PCDH15: variants seen among roughly 807,000 people sequenced by gnomAD.
PCDH15 encodes protocadherin-15.
In PCDH15, 129 loss-of-function variants were observed where a neutral mutation model predicts 178.5. The ratio of observed to expected loss-of-function variants is 0.72; its 90% CI spans 0.63 to 0.84. The LOEUF is 0.84. Among genes scored for constraint, PCDH15 ranks in the 40% least tolerant of loss-of-function variants. The pLI, the probability that PCDH15 is intolerant of heterozygous loss-of-function variation, is 0.00. For missense variants in PCDH15, 2,230 were observed against 2,099.9 expected (o/e 1.06, Z -1.21); for synonymous variants, 800 against 732.0 (o/e 1.09, Z -1.50).
intron 13 of PCDH15, among the ~76,000 whole-genome samples, chr10:54,173,858 T>C (rs185838797): frequency 1.1e-4 from 16 of 152,280 alleles, no homozygotes; most frequent in Non-Finnish European, 2.4e-4. Flanking sequence ...TGCTCCAAGA[T>C]AATAAAGGGG....
At chr10:54,464,800 C>A (rs190653621) in intron 3 of PCDH15, among the ~76,000 whole-genome samples, 3 of 152,128 alleles carry the variant, frequency 2.0e-5, no homozygotes, top group Non-Finnish European at 4.4e-5. Context: ...ACAAGAGCAA[C>A]CTAATTCTAT....
intron 3 of PCDH15, among the ~76,000 whole-genome samples, chr10:54,862,664 G>A (rs2131782361): frequency 6.6e-6 from 1 of 152,308 alleles, no homozygotes; most frequent in African/African-American, 2.4e-5. Context: ...TTTCAGGAAT[G>A]AATTAGTTCC....
chr10:55,203,356 G>A (rs1250763556), intron 1 of PCDH15, among the ~76,000 whole-genome samples: 2 of 151,938 alleles, frequency 1.3e-5, no homozygotes, highest in African/African-American at 4.8e-5. Flanking sequence ...TATCTCAGAA[G>A]TGTATTAATC....
At chr10:54,622,885 C>T (rs1294807938) in intron 2 of PCDH15, among the ~76,000 whole-genome samples, 1 of 146,336 alleles carries the variant, frequency 6.8e-6, no homozygotes, top group Non-Finnish European at 1.5e-5. Flanking sequence ...TCACAACCTC[C>T]TCTTTCTTTA....
In PCDH15 at chr10:54,885,875, C is replaced by T. The variant is rs141350968; in HGVS notation, c.-29+11575G>A. 6.5e-3 allele frequency among the ~76,000 whole-genome samples: 985 copies of T among 152,142 alleles called. 16 individuals carry two copies. Among genetic ancestry groups the T allele is most frequent in the African/African-American group, 0.022 (902 of 41,524 alleles). On this transcript the variant is annotated intron_variant, in intron 3 of 5. Transcript: ENST00000458638. ...ATAAAATGTGAATACACTTTTTTCT[C>T]TTCCTGGCTTGCAAGGATGCACCCA...
chr10:54,007,906 C>T (rs1371077778), intron 20 of PCDH15, among the ~76,000 whole-genome samples: 2 of 152,094 alleles, frequency 1.3e-5, no homozygotes, highest in African/African-American at 4.8e-5. Context: ...CTTTTCAGTA[C>T]TGCGAGTAAT....
intron 1 of PCDH15, among the ~76,000 whole-genome samples, chr10:55,249,167 G>A (rs1841765617): frequency 6.6e-6 from 1 of 152,060 alleles, no homozygotes; most frequent in Admixed American, 6.6e-5. Flanking sequence ...TATAATCCGA[G>A]GGAAAAGCAA....
chr10:54,547,320 T>C (rs1160195000), intron 2 of PCDH15, among the ~76,000 whole-genome samples: 1 of 152,178 alleles, frequency 6.6e-6, no homozygotes, highest in Non-Finnish European at 1.5e-5. Flanking sequence ...TTTACTATTA[T>C]TTTGTTTTAC....
intron 8 of PCDH15, among the ~76,000 whole-genome samples, chr10:54,242,122 TTCTATTTTTATATA>T (rs1258461689): frequency 1.2e-4 from 11 of 93,394 alleles, no homozygotes; most frequent in African/African-American, 4.9e-4. Flanking sequence ...TTGGTCTGAA[TTCTATTTTTATATA>T]TATATATATA....
chr10:55,155,842 C>T (rs904398382), intron 2 of PCDH15, among the ~76,000 whole-genome samples: 1 of 151,968 alleles, frequency 6.6e-6, no homozygotes, highest in Admixed American at 6.6e-5. Context: ...TTTGTAAAAC[C>T]AGCTTTTGAT....
intron 1 of PCDH15, among the ~76,000 whole-genome samples, chr10:54,716,266 A>G (rs556398207): frequency 6.6e-6 from 1 of 152,258 alleles, no homozygotes; most frequent in East Asian, 1.9e-4. Context: ...TCCCATTAAA[A>G]AAGGATTAGG....
chr10:53,833,897 AT>A (rs1295543959), intron 29 of PCDH15, among the ~76,000 whole-genome samples: 1 of 152,062 alleles, frequency 6.6e-6, no homozygotes, highest in Non-Finnish European at 1.5e-5. Context: ...ATGCCTTCTC[AT>A]TTCAGGAAAG....
At chr10:55,305,668 T>C (rs1441129281) in intron 1 of PCDH15, among the ~76,000 whole-genome samples, 1 of 152,222 alleles carries the variant, frequency 6.6e-6, no homozygotes, top group Non-Finnish European at 1.5e-5. Flanking sequence ...ACTACTCTGA[T>C]TTACAATTCT....
At chr10:54,779,473 T>TATATATATATAC (rs1431533017) in intron 1 of PCDH15, among the ~76,000 whole-genome samples, 1 of 110,518 alleles carries the variant, frequency 9.0e-6, no homozygotes, top group African/African-American at 3.3e-5. Flanking sequence ...TGTATATATA[T>TATATATATATAC]ACACACATAT....
At chr10:54,616,258 A>G (rs1337764926) in intron 2 of PCDH15, among the ~76,000 whole-genome samples, 4 of 152,096 alleles carry the variant, frequency 2.6e-5, no homozygotes, top group African/African-American at 7.2e-5. Flanking sequence ...CTCTGCAAAA[A>G]CTATAGAAAA....
At chr10:55,183,086 A>G (rs1163601449) in intron 1 of PCDH15, among the ~76,000 whole-genome samples, 3 of 151,922 alleles carry the variant, frequency 2.0e-5, no homozygotes, top group Non-Finnish European at 4.4e-5. Flanking sequence ...TATGGTATAT[A>G]TTTATATTAT....
intron 2 of PCDH15, among the ~76,000 whole-genome samples, chr10:55,022,181 G>A (rs1411120828): frequency 1.3e-5 from 2 of 151,972 alleles, no homozygotes; most frequent in Non-Finnish European, 2.9e-5. Flanking sequence ...GGCCGGGCTC[G>A]GTGGCTCATG....
intron 11 of PCDH15, among the ~76,000 whole-genome samples, chr10:54,195,350 A>T (rs2049499945): frequency 6.6e-6 from 1 of 152,158 alleles, no homozygotes; most frequent in Non-Finnish European, 1.5e-5. Flanking sequence ...TCATGTAGTA[A>T]CACCATTATT....
intron 17 of PCDH15, among the ~76,000 whole-genome samples, chr10:54,076,230 G>A (rs1267469868): frequency 2.0e-5 from 3 of 152,024 alleles, no homozygotes; most frequent in African/African-American, 7.2e-5. Flanking sequence ...ATTGCAAATT[G>A]AATTGTTTTC....
Sources: allele counts gnomAD v4.1 joint callset (sites outside exome capture counted in the v4.1 genomes callset), GRCh38; gene constraint gnomAD v4.1.1; transcripts MANE v1.5; gene names NCBI Gene and HGNC (gene_info 2026-07-23, HGNC 2026-07-21).